MAML1: variants seen among roughly 807,000 people sequenced by gnomAD.
MAML1 encodes the protein mastermind like transcriptional coactivator 1.
A neutral mutation model predicts 77.1 loss-of-function variants in MAML1; 14 were observed. The observed-to-expected ratio is 0.18, with a 90% CI of 0.12 to 0.28. MAML1 has a LOEUF of 0.28. Ranked by LOEUF, MAML1 falls within the 10% of genes least tolerant of loss-of-function variation. MAML1 has a pLI of 1.00. For synonymous variants in MAML1, 516 were observed against 551.9 expected (o/e 0.93, Z 0.91); for missense variants, 1,217 against 1,327.8 (o/e 0.92, Z 1.30).
At chr5:179,744,006 T>C (rs1462590838) in intron 1 of MAML1, among the ~76,000 whole-genome samples, 2 of 152,208 alleles carry the variant, frequency 1.3e-5, no homozygotes, top group Non-Finnish European at 2.9e-5. Context: ...ATGCTATCTT[T>C]CATCAACTGT....
rs1755999277 is a variant in MAML1 at position 179,771,928 on chromosome 5, T to C, written c.2068+685T>C. On this transcript the variant is annotated intron_variant, in intron 4 of 4. Transcript: ENST00000292599. The surrounding 1 kb of genome is among the most constrained non-coding windows in gnomAD (Gnocchi z 4.7). ...GTCCCAGAGAGACTGACCACAGCTG[T>C]GTGTCCTGGAGGAGACCAGGTACGG... Among the ~76,000 whole-genome samples the C allele has an allele frequency of 6.6e-6, 1 of 152,224 alleles. No individual in the cohort carries two copies. Among genetic ancestry groups the C allele is most frequent in the Non-Finnish European group, 1.5e-5 (1 of 68,042 alleles).
chr5:179,753,651 ATTATTTTTTTT>A (rs1779551056), intron 1 of MAML1, among the ~76,000 whole-genome samples: 1 of 66,384 alleles, frequency 1.5e-5, no homozygotes, highest in African/African-American at 6.5e-5. Flanking sequence ...TATTATTATT[ATTATTTTTTTT>A]TTTTTTTTTT....
At chr5:179,770,946 C>T in intron 3 of MAML1, 2 of 508,774 alleles carry the variant, frequency 3.9e-6, no homozygotes, top group African/African-American at 1.9e-5. Flanking sequence ...ACAGGTATAC[C>T]TACCTTTTAA....
Position 179,771,464 on chromosome 5 carries a change from C to T in MAML1, c.2068+221C>T, listed in dbSNP as rs1221231757. Among the ~76,000 whole-genome samples, 1 of 152,206 alleles carries T rather than the reference C, an allele frequency of 6.6e-6. No homozygotes were observed. The highest frequency in any genetic ancestry group is 1.5e-5 in the Non-Finnish European group (1 of 68,048). ...ACCACTAGAACTACCTTTGCTGGGT[C>T]CCTGGCTGTACAGTTTTCTGAAGCA... On this transcript the variant is annotated intron_variant, in intron 4 of 4. Transcript: ENST00000292599. The surrounding 1 kb of genome is among the most constrained non-coding windows in gnomAD (Gnocchi z 4.7).
chr5:179,738,715 C>G (rs1296744121), intron 1 of MAML1, among the ~76,000 whole-genome samples: 1 of 152,180 alleles, frequency 6.6e-6, no homozygotes, highest in Non-Finnish European at 1.5e-5. Flanking sequence ...TGCCTTCTAC[C>G]TCTTCTATTA....
At chr5:179,747,827 A>AAAAAAAAAAT (rs1460788592) in intron 1 of MAML1, among the ~76,000 whole-genome samples, 3 of 151,242 alleles carry the variant, frequency 2.0e-5, no homozygotes, top group Non-Finnish European at 3.0e-5. Flanking sequence ...AAAAAAAAAA[A>AAAAAAAAAAT]AAGAAGGAAA....
chr5:179,772,965 A>G (rs1756036074), intron 4 of MAML1, among the ~76,000 whole-genome samples: 1 of 152,162 alleles, frequency 6.6e-6, no homozygotes, highest in Non-Finnish European at 1.5e-5. Flanking sequence ...ATCTCGGCTC[A>G]CTGCAGCCTC....
intron 1 of MAML1, among the ~76,000 whole-genome samples, chr5:179,735,123 A>G (rs1779142132): frequency 6.6e-6 from 1 of 152,218 alleles, no homozygotes; most frequent in Admixed American, 6.5e-5. Context: ...ATGTATACGT[A>G]TGTAACTAAC....
At position 179,771,279 on chromosome 5, in the gene MAML1, A is replaced by G; in HGVS notation, c.2068+36A>G. 3 of 1,565,040 alleles carry G rather than the reference A, an allele frequency of 1.9e-6. No homozygotes were observed. The highest frequency in any genetic ancestry group is 2.6e-6 in the Non-Finnish European group (3 of 1,135,478). On this transcript the variant is annotated intron_variant, in intron 4 of 4. Transcript: ENST00000292599. The surrounding 1 kb of genome is among the most constrained non-coding windows in gnomAD (Gnocchi z 4.7). ...TCTGTGTGACGAGCAGGGACAGGGG[A>G]GGCCGCTGCCTGGTGCTGGTTGAAT... is the stretch of plus-strand genomic sequence containing the variant.
At chr5:179,745,866 A>AT (rs1472394984) in intron 1 of MAML1, among the ~76,000 whole-genome samples, 5 of 135,480 alleles carry the variant, frequency 3.7e-5, no homozygotes, top group African/African-American at 1.7e-4. Context: ...TCTCAAAAAA[A>AT]AAAAAAAAAA....
At chr5:179,742,360 G>A (rs992675268) in intron 1 of MAML1, among the ~76,000 whole-genome samples, 1 of 151,606 alleles carries the variant, frequency 6.6e-6, no homozygotes, top group Non-Finnish European at 1.5e-5. Context: ...GTGGTGGTAC[G>A]TGCCTGTAAT....
rs568478927 is a variant in MAML1 at position 179,766,860 on chromosome 5, G to A, written c.1731+119G>A. ...TGGGAAGAGGGAGGAGGGAATAGCTGCTGTCATCCTTGCTCCTCTTGGGAG... is the reference window on the plus strand; with the variant it reads ...TGGGAAGAGGGAGGAGGGAATAGCTACTGTCATCCTTGCTCCTCTTGGGAG... On this transcript the variant is annotated intron_variant, in intron 2 of 4. Transcript: ENST00000292599. The surrounding 1 kb of genome is among the most constrained non-coding windows in gnomAD (Gnocchi z 4.0). The A allele has an allele frequency of 7.2e-5, 54 of 751,894 alleles. No individual in the cohort carries two copies. In the South Asian group the frequency reaches 1.3e-3, roughly 18 times the overall value. 46.6% of individuals were successfully genotyped at this position (751,894 alleles called of 1,614,324 possible).
At chr5:179,735,559 T>G (rs922908387) in intron 1 of MAML1, among the ~76,000 whole-genome samples, 1 of 151,194 alleles carries the variant, frequency 6.6e-6, no homozygotes, top group Admixed American at 6.6e-5. Flanking sequence ...AGCTAATAAT[T>G]TTTGTATTTT....
intron 2 of MAML1, among the ~76,000 whole-genome samples, chr5:179,768,453 G>A (rs1779861302): frequency 1.3e-5 from 2 of 152,244 alleles, no homozygotes; most frequent in South Asian, 2.1e-4. Flanking sequence ...GCGAAACTCC[G>A]TCTGAAAAAA....
chr5:179,775,430 GC>G lies in MAML1; in HGVS notation c.*555del, dbSNP rs1756116167. On this transcript the variant is annotated 3_prime_UTR_variant, in exon 5 of 5. Transcript: ENST00000292599. ...ACCTAGGGTTTCCTTTTGATTAAGAGCCTTTTTTGTTTCTGCTCTTTGTCAG... is the reference window on the plus strand; with the variant it reads ...ACCTAGGGTTTCCTTTTGATTAAGAGCTTTTTTGTTTCTGCTCTTTGTCAG... 1 of 985,322 alleles carries G rather than the reference GC, an allele frequency of 1.0e-6. No homozygotes were observed. The highest frequency in any genetic ancestry group is 1.1e-4 in the East Asian group (1 of 8,838). 61.0% of individuals were successfully genotyped at this position (985,322 alleles called of 1,614,324 possible). A position where few individuals can be genotyped will look rare whatever the true frequency, so the allele number is the denominator to read the frequency against.
rs1351079259 is a variant in MAML1 at position 179,752,342 on chromosome 5, A to ATATATATATATATAT, written c.316-12984_316-12983insTATATATATATATAT. 2.8e-3 allele frequency among the ~76,000 whole-genome samples: 244 copies of ATATATATATATATAT among 86,430 alleles called. 6 individuals carry two copies. The highest frequency in any genetic ancestry group is 4.8e-3 in the South Asian group (13 of 2,684). 56.7% of individuals were successfully genotyped at this position (86,430 alleles called of 152,430 possible). A position where few individuals can be genotyped will look rare whatever the true frequency, so the allele number is the denominator to read the frequency against. On this transcript the variant is annotated intron_variant, in intron 1 of 4. Transcript: ENST00000292599. ...TCTGTCTCCAAAAAAAAAAAAAAAA[A>ATATATATATATATAT]AAAAAAAAATATATATATATATATG...
chr5:179,737,218 G>A (rs911203075), intron 1 of MAML1, among the ~76,000 whole-genome samples: 2 of 152,042 alleles, frequency 1.3e-5, no homozygotes, highest in African/African-American at 4.8e-5. Context: ...CTTGACTTAT[G>A]GATTTCTTGA....
chr5:179,776,889 G>A lies in MAML1; in HGVS notation c.*2012G>A, dbSNP rs1245633214. The A allele has an allele frequency of 4.1e-6, 4 of 985,816 alleles. No homozygotes were observed. The African/African-American group carries it at 7.0e-5, about 17-fold the overall frequency. The allele number at this position is 985,816 out of a possible 1,614,324, so 61.1% of individuals were successfully genotyped here. On this transcript the variant is annotated 3_prime_UTR_variant, in exon 5 of 5. Transcript: ENST00000292599. ...CTGGTTTTCGGGAGTCAGGGGAGGA[G>A]ATGACTTTGCTTCTGTGCACAGCCC...
intron 1 of MAML1, among the ~76,000 whole-genome samples, chr5:179,735,012 T>C (rs1779138586): frequency 6.6e-6 from 1 of 151,804 alleles, no homozygotes; most frequent in Non-Finnish European, 1.5e-5. Context: ...AAGAAATGAG[T>C]GTGGACATGA....
Sources: allele counts gnomAD v4.1 joint callset (sites outside exome capture counted in the v4.1 genomes callset), GRCh38; gene constraint gnomAD v4.1.1; non-coding constraint Gnocchi (gnomAD v3.1); transcripts MANE v1.5; gene names NCBI Gene and HGNC (gene_info 2026-07-23, HGNC 2026-07-21).